Variants in LCOR observed in about 807,000 individuals in gnomAD.
The protein encoded by LCOR is ligand-dependent corepressor.
Under a neutral mutation model 64.4 loss-of-function variants are expected in LCOR, and 14 were observed. The observed-to-expected ratio is 0.22, with a 90% CI of 0.14 to 0.34. The LOEUF is 0.34. Ranked by LOEUF, LCOR falls within the 10% of genes least tolerant of loss-of-function variation. The pLI is 1.00. For synonymous variants in LCOR, 643 were observed against 642.5 expected (o/e 1.00, Z -0.01); for missense variants, 1,686 against 1,765.3 (o/e 0.96, Z 0.80).
rs1306043218 is a variant in LCOR at position 96,952,095 on chromosome 10, C to T, written c.239-8C>T. 1.9e-6 allele frequency: 3 copies of T among 1,606,132 alleles called. No individual in the cohort carries two copies. The highest frequency in any genetic ancestry group is 1.1e-5 in the South Asian group (1 of 90,576). On this transcript the variant is annotated splice_region_variant and splice_polypyrimidine_tract_variant and intron_variant, in intron 6 of 7. Coordinates refer to ENST00000421806, the MANE Select transcript of LCOR (RefSeq NM_001346516.2). ...AATATCCTCAGGTGTTTCTTTGTGT[C>T]TCTGCAGACGGTGTACTTGATCTGT...
chr10:96,982,683 A>G lies in LCOR; in HGVS notation c.2223A>G (p.Leu741=). 8.1e-6 allele frequency: 13 copies of G among 1,614,156 alleles called. No homozygotes were observed. Among genetic ancestry groups the G allele is most frequent in the Non-Finnish European group, 1.1e-5 (13 of 1,180,034 alleles). Residue 741 remains leucine (L), a synonymous_variant, in exon 8 of 8, where the codon CTA becomes CTG. Transcript: ENST00000421806. ...TTGAGTCTGGAGACACCCAGGAGCT[A>G]AATGTCGACCCACTCTTGAAGGAAA... is the stretch of plus-strand genomic sequence containing the variant. ...AEVESGDTQE[L]NVDPLLKESS... is the part of the protein sequence containing the mutation.
intron 2 of LCOR, among the ~76,000 whole-genome samples, chr10:96,863,761 T>G (rs1302949765): frequency 6.6e-6 from 1 of 152,220 alleles, no homozygotes; most frequent in African/African-American, 2.4e-5. Flanking sequence ...CTTAGGCGTT[T>G]GCTAAAATAC....
At chr10:96,940,284 T>G (rs559748763) in intron 4 of LCOR, among the ~76,000 whole-genome samples, 10 of 146,584 alleles carry the variant, frequency 6.8e-5, no homozygotes, top group Non-Finnish European at 1.3e-4. Context: ...CAAATACAAC[T>G]ATAATAAAGG....
rs775258022 is a variant in LCOR, at chr10:96,833,411, G to A, written c.-398G>A. ...GTCTGTTTTTCTCTCCCAAGGTCCCGTTTCCCTCTGTGCGGCGGCCGGCGG... is the reference window on the plus strand; with the variant it reads ...GTCTGTTTTTCTCTCCCAAGGTCCCATTTCCCTCTGTGCGGCGGCCGGCGG... On this transcript the variant is annotated 5_prime_UTR_variant, in exon 2 of 8. Transcript: ENST00000421806. 2.0e-6 allele frequency: 2 copies of A among 986,002 alleles called. No homozygotes were observed. Among genetic ancestry groups the A allele is most frequent in the Non-Finnish European group, 2.4e-6 (2 of 830,080 alleles). The allele number at this position is 986,002 out of a possible 1,614,324, so 61.1% of individuals were successfully genotyped here.
Position 96,859,764 on chromosome 10 carries a change from G to A in LCOR, c.-330+26285G>A, listed in dbSNP as rs544309138. On this transcript the variant is annotated intron_variant, in intron 2 of 7. Transcript: ENST00000421806. Reference sequence around the variant, plus strand: ...AGTAGAGAAGGGGTTTTGCCATGTTGCCCAGGCTGGTATCAAACTCCTGAA... The same window carrying A: ...AGTAGAGAAGGGGTTTTGCCATGTTACCCAGGCTGGTATCAAACTCCTGAA... 3.5e-4 allele frequency among the ~76,000 whole-genome samples: 53 copies of A among 152,258 alleles called. No homozygotes were observed. The South Asian group carries it at 6.6e-3, about 19-fold the overall frequency.
chr10:96,864,787 C>T (rs1845944812), intron 2 of LCOR, among the ~76,000 whole-genome samples: 1 of 152,148 alleles, frequency 6.6e-6, no homozygotes, highest in South Asian at 2.1e-4. Context: ...GCATTCAGTA[C>T]AGTGACATGC....
rs1301195244 is a variant in LCOR, at chr10:96,995,741, G to A, written c.*10607G>A. 3.3e-5 allele frequency: 5 copies of A among 152,194 alleles called. No individual in the cohort carries two copies. Among genetic ancestry groups the A allele is most frequent in the Admixed American group, 1.3e-4 (2 of 15,288 alleles). The allele number at this position is 152,194 out of a possible 1,614,324, so 9.4% of individuals were successfully genotyped here. ...TTTGCTTTCCTATCAGGCCATGTAG[G>A]AAACTGTGTTCTTGTTATTGGTAGA... On this transcript the variant is annotated 3_prime_UTR_variant, in exon 8 of 8. Transcript: ENST00000421806. The surrounding 1 kb of genome is among the most constrained non-coding windows in gnomAD (Gnocchi z 4.2).
chr10:96,921,454 T>C (rs1021780987), intron 4 of LCOR, among the ~76,000 whole-genome samples: 8 of 152,106 alleles, frequency 5.3e-5, no homozygotes, highest in African/African-American at 1.7e-4. Flanking sequence ...CTTCATTCTT[T>C]ATTTAATTTT....
intron 4 of LCOR, among the ~76,000 whole-genome samples, chr10:96,937,824 C>A (rs921141340): frequency 6.6e-6 from 1 of 152,098 alleles, no homozygotes; most frequent in South Asian, 2.1e-4. Flanking sequence ...TTTATGAGTA[C>A]CAGCACAAAA....
intron 2 of LCOR, among the ~76,000 whole-genome samples, chr10:96,883,288 C>A (rs1035056736): frequency 6.6e-6 from 1 of 152,218 alleles, no homozygotes; most frequent in African/African-American, 2.4e-5. Context: ...CTGCCTCGGC[C>A]TCCCAAAGTG....
intron 4 of LCOR, among the ~76,000 whole-genome samples, chr10:96,919,546 T>G (rs1847012645): frequency 6.6e-6 from 1 of 152,168 alleles, no homozygotes; most frequent in African/African-American, 2.4e-5. Context: ...TTAACCATAT[T>G]TAGGTGTACA....
Position 96,984,829 on chromosome 10 carries a change from G to A in LCOR, c.4369G>A (p.Val1457Met). ...PKKTSLKENK[V>M]KIPKKSAGKS... ...AAAGACGTCTTTGAAAGAGAATAAA[G>A]TGAAGATCCCTAAAAAGTCCGCTGG... Residue 1457 changes from valine (V) to methionine (M), a missense_variant, in exon 8 of 8, where the codon GTG (valine) becomes ATG (methionine). Around this residue, in one of 3 missense-constraint regions of LCOR, gnomAD observed 1,293 missense variants for 1,410.4 expected, o/e 0.92. Transcript: ENST00000421806. The A allele has an allele frequency of 6.2e-7, 1 of 1,614,164 alleles. No homozygotes were observed. Among genetic ancestry groups the A allele is most frequent in the South Asian group, 1.1e-5 (1 of 91,084 alleles).
intron 2 of LCOR, among the ~76,000 whole-genome samples, chr10:96,879,839 A>G (rs1302400374): frequency 6.6e-6 from 1 of 151,896 alleles, no homozygotes; most frequent in Non-Finnish European, 1.5e-5. Flanking sequence ...ATCTTTGTGT[A>G]TTTAGTAGAG....
intron 4 of LCOR, among the ~76,000 whole-genome samples, chr10:96,939,574 A>T (rs866388384): frequency 3.0e-4 from 46 of 152,292 alleles, no homozygotes; most frequent in South Asian, 2.1e-3. Flanking sequence ...GGGAGAAAAT[A>T]TTTGCAAATC....
intron 4 of LCOR, among the ~76,000 whole-genome samples, chr10:96,939,072 A>G (rs1238014002): frequency 1.3e-5 from 2 of 152,270 alleles, no homozygotes; most frequent in Admixed American, 6.5e-5. Context: ...TAAAAGAAGA[A>G]CAAATTGGGA....
chr10:96,963,908 A>G (rs962218738), intron 7 of LCOR: 12 of 152,216 alleles, frequency 7.9e-5, no homozygotes, highest in African/African-American at 2.9e-4. Flanking sequence ...TAGAAGTTCA[A>G]GTGTCATACA....
chr10:96,936,662 G>A (rs1847355729), intron 4 of LCOR, among the ~76,000 whole-genome samples: 1 of 152,142 alleles, frequency 6.6e-6, no homozygotes, highest in Non-Finnish European at 1.5e-5. Flanking sequence ...ACTGATGTAA[G>A]GCGAAACAGA....
At chr10:96,833,906 G>T (rs558512461) in intron 2 of LCOR, among the ~76,000 whole-genome samples, 23 of 152,130 alleles carry the variant, frequency 1.5e-4, no homozygotes, top group Non-Finnish European at 3.2e-4. Flanking sequence ...ATATCTGTTG[G>T]GGGGAAGGGT....
chr10:96,844,892 C>T (rs945400931), intron 2 of LCOR, among the ~76,000 whole-genome samples: 2 of 152,088 alleles, frequency 1.3e-5, no homozygotes, highest in East Asian at 3.9e-4. Flanking sequence ...TTCCCAGAGA[C>T]CTCAAGGAAG....
Sources: gnomAD v4.1 joint callset for allele counts (sites outside exome capture counted in the v4.1 genomes callset) on GRCh38, gnomAD v4.1.1 for gene constraint, gnomAD v4.1.1 regional missense constraint, Gnocchi (gnomAD v3.1) non-coding constraint, MANE v1.5 for transcripts, NCBI Gene and HGNC (gene_info 2026-07-23, HGNC 2026-07-21) for gene names.